The following BCAR3 variants were observed in gnomAD, a reference collection of about 807,000 sequenced individuals.
The protein encoded by BCAR3 is breast cancer anti-estrogen resistance protein 3.
In BCAR3, 37 loss-of-function variants were observed where a neutral mutation model predicts 80.1. That is an observed-to-expected ratio of 0.46 (90% CI 0.36 to 0.61). The LOEUF is 0.61. Among genes scored for constraint, BCAR3 ranks in the 20% least tolerant of loss-of-function variants. BCAR3 has a pLI of 0.00. For synonymous variants in BCAR3, 389 were observed against 418.9 expected (o/e 0.93, Z 0.87); for missense variants, 978 against 1,068.2 (o/e 0.92, Z 1.18).
intron 7 of BCAR3, among the ~76,000 whole-genome samples, chr1:93,581,918 C>T (rs549476502): frequency 6.6e-6 from 1 of 152,314 alleles, no homozygotes; most frequent in Non-Finnish European, 1.5e-5. Flanking sequence ...TCTGATGGAG[C>T]TGAGGCAAGG....
chr1:93,657,165 G>A (rs1011123361), intron 2 of BCAR3, among the ~76,000 whole-genome samples: 4 of 152,086 alleles, frequency 2.6e-5, no homozygotes, highest in African/African-American at 9.7e-5. Context: ...GACTTGACCC[G>A]TGGTTATGGA....
intron 7 of BCAR3, among the ~76,000 whole-genome samples, chr1:93,581,323 T>TA (rs1178119368): frequency 1.3e-5 from 2 of 152,172 alleles, no homozygotes; most frequent in Non-Finnish European, 2.9e-5. Flanking sequence ...GAGAAAATAA[T>TA]AATGTTTTTG....
intron 2 of BCAR3, among the ~76,000 whole-genome samples, chr1:93,834,932 C>G (rs1244466745): frequency 6.6e-6 from 1 of 152,214 alleles, no homozygotes; most frequent in African/African-American, 2.4e-5. Context: ...ATATTTCCTT[C>G]TTTCCTGTTC....
chr1:93,693,311 A>G (rs1177016223), intron 3 of BCAR3, among the ~76,000 whole-genome samples: 4 of 152,104 alleles, frequency 2.6e-5, no homozygotes, highest in Admixed American at 1.3e-4. Context: ...TCCTCACAAA[A>G]CCTTTCATAC....
intron 2 of BCAR3, among the ~76,000 whole-genome samples, chr1:93,802,375 C>T (rs60807390): frequency 0.14 from 21,487 of 151,996 alleles, 2,474 homozygotes; most frequent in African/African-American, 0.31. Flanking sequence ...CACCCATTCC[C>T]TTGCTTTTCT....
intron 2 of BCAR3, among the ~76,000 whole-genome samples, chr1:93,729,899 T>A (rs1650722666): frequency 6.6e-6 from 1 of 152,242 alleles, no homozygotes; most frequent in Admixed American, 6.5e-5. Context: ...ATTTTCAGTT[T>A]TAGCACTTAA....
rs58706715 is a variant in BCAR3, at chr1:93,675,925, C to CAA, written c.-11-986_-11-985dup. 2.9e-3 allele frequency among the ~76,000 whole-genome samples: 147 copies of CAA among 51,306 alleles called. 1 individual carries two copies. Among genetic ancestry groups the CAA allele is most frequent in the East Asian group, 9.9e-3 (11 of 1,106 alleles). The allele number at this position is 51,306 out of a possible 152,430, so 33.7% of individuals were successfully genotyped here. On this transcript the variant is annotated intron_variant, in intron 1 of 11. Transcript: ENST00000260502. ...CACACAGAGGAAAAGAAATAGGAGA[C>CAA]AAAAAAAAAAAAAAAAAAAAAAAAA...
upstream of BCAR3, among the ~76,000 whole-genome samples, chr1:93,682,806 G>A (rs1333944870): frequency 2.0e-5 from 3 of 152,172 alleles, no homozygotes; most frequent in Admixed American, 6.5e-5. Context: ...ACCCACCTCG[G>A]CCTCCCAAAG....
chr1:93,762,992 C>T (rs1652007498), intron 2 of BCAR3, among the ~76,000 whole-genome samples: 1 of 152,188 alleles, frequency 6.6e-6, no homozygotes. Flanking sequence ...ATTCTCTACA[C>T]TGTGGGGTTC....
intron 2 of BCAR3, among the ~76,000 whole-genome samples, chr1:93,816,485 A>G (rs1428734314): frequency 6.6e-6 from 1 of 151,878 alleles, no homozygotes; most frequent in African/African-American, 2.4e-5. Context: ...AGCCTGGCCA[A>G]CACAGTGAAA....
chr1:93,732,053 G>A (rs891838217), intron 2 of BCAR3, among the ~76,000 whole-genome samples: 2 of 152,224 alleles, frequency 1.3e-5, no homozygotes, highest in African/African-American at 4.8e-5. Context: ...TGCACATCCA[G>A]GAGAGACTCT....
intron 1 of BCAR3, chr1:93,681,007 T>A (rs1276274803): frequency 6.6e-6 from 1 of 152,246 alleles, no homozygotes; most frequent in African/African-American, 2.4e-5. Flanking sequence ...CACAACCAAC[T>A]ATTCATTCTT....
intron 3 of BCAR3, among the ~76,000 whole-genome samples, chr1:93,605,096 G>T (rs1674736749): frequency 6.6e-6 from 1 of 152,140 alleles, no homozygotes; most frequent in South Asian, 2.1e-4. Flanking sequence ...GCCCTGGCGG[G>T]TACCTTCCGT....
chr1:93,804,772 TG>T (rs1419421415), intron 2 of BCAR3, among the ~76,000 whole-genome samples: 4 of 152,186 alleles, frequency 2.6e-5, no homozygotes, highest in Non-Finnish European at 4.4e-5. Context: ...GAGGAACCAC[TG>T]TGTAACAATT....
At chr1:93,757,135 G>A (rs906874075) in intron 2 of BCAR3, among the ~76,000 whole-genome samples, 4 of 152,174 alleles carry the variant, frequency 2.6e-5, no homozygotes, top group African/African-American at 9.7e-5. Context: ...TTTAGCCTCT[G>A]GAATCCATGT....
chr1:93,823,733 G>A lies in BCAR3; in HGVS notation c.-63+21834C>T, dbSNP rs528756789. On this transcript the variant is annotated intron_variant, in intron 2 of 13. Coordinates refer to the BCAR3 transcript ENST00000370244. Reference sequence around the variant, plus strand: ...TTATTATTTTTTGAGACGGAGTCTCGCTCTGTGGCCAGGCTGGGTGCAGTG... The same window carrying A: ...TTATTATTTTTTGAGACGGAGTCTCACTCTGTGGCCAGGCTGGGTGCAGTG... Among the ~76,000 whole-genome samples, 5 of 134,430 alleles carry A rather than the reference G, an allele frequency of 3.7e-5. 1 individual carries two copies. Among genetic ancestry groups the A allele is most frequent in the Non-Finnish European group, 6.7e-5 (4 of 59,354 alleles). 88.2% of individuals were successfully genotyped at this position (134,430 alleles called of 152,430 possible).
chr1:93,606,307 C>T (rs545930271), intron 3 of BCAR3, among the ~76,000 whole-genome samples: 69 of 152,300 alleles, frequency 4.5e-4, no homozygotes, highest in African/African-American at 1.6e-3. Flanking sequence ...CAATACAACT[C>T]AGATCTCATG....
chr1:93,788,858 C>T (rs1401587123), intron 2 of BCAR3, among the ~76,000 whole-genome samples: 1 of 152,150 alleles, frequency 6.6e-6, no homozygotes, highest in African/African-American at 2.4e-5. Context: ...CTGAGTCCTG[C>T]TTTCCTTTCA....
At chr1:93,717,719 CAA>C (rs1230098499) in intron 2 of BCAR3, among the ~76,000 whole-genome samples, 39 of 57,532 alleles carry the variant, frequency 6.8e-4, no homozygotes, top group Admixed American at 1.2e-3. Context: ...GACTCCACCT[CAA>C]AAAAAAAAAA....
Sources: allele counts gnomAD v4.1 joint callset (sites outside exome capture counted in the v4.1 genomes callset), GRCh38; gene constraint gnomAD v4.1.1; transcripts MANE v1.5; gene names NCBI Gene and HGNC (gene_info 2026-07-23, HGNC 2026-07-21).